Variants in CSMD1 observed in about 807,000 individuals in gnomAD.
CSMD1 encodes the protein CUB and Sushi multiple domains 1, also known as CUB and sushi domain-containing protein 1.
In CSMD1, 213 loss-of-function variants were observed where a neutral mutation model predicts 417.5. That is an observed-to-expected ratio of 0.51 (90% CI 0.46 to 0.57). The LOEUF (loss-of-function observed/expected upper bound fraction) is 0.57. CSMD1 is among the 20% of genes least tolerant of loss of function. The pLI is 0.00. For synonymous variants in CSMD1, 2,862 were observed against 1,736.8 expected (o/e 1.65, Z -16.11); for missense variants, 6,923 against 4,529.7 (o/e 1.53, Z -15.17).
chr8:3,796,474 A>C (rs1043730452), intron 5 of CSMD1, among the ~76,000 whole-genome samples: 2 of 140,702 alleles, frequency 1.4e-5, no homozygotes, highest in African/African-American at 5.2e-5. Context: ...TCATGTATAT[A>C]GATATCTATC....
intron 1 of CSMD1, among the ~76,000 whole-genome samples, chr8:4,708,353 G>A (rs1028546284): frequency 3.9e-5 from 6 of 152,254 alleles, no homozygotes; most frequent in South Asian, 2.1e-4. Context: ...TGAACATTTA[G>A]ACAACATCTG....
At chr8:3,274,930 T>A (rs1479352377) in intron 26 of CSMD1, among the ~76,000 whole-genome samples, 1 of 152,166 alleles carries the variant, frequency 6.6e-6, no homozygotes, top group African/African-American at 2.4e-5. Flanking sequence ...CCATTTACAT[T>A]TAAAGTTAAT....
At chr8:4,973,226 G>T (rs1001876414) in intron 1 of CSMD1, among the ~76,000 whole-genome samples, 2 of 152,222 alleles carry the variant, frequency 1.3e-5, no homozygotes, top group South Asian at 4.2e-4. Flanking sequence ...ATTATTGAGA[G>T]AAAGCATTTT....
intron 5 of CSMD1, among the ~76,000 whole-genome samples, chr8:3,989,982 G>A (rs1814621612): frequency 6.6e-6 from 1 of 152,212 alleles, no homozygotes. Flanking sequence ...ATATCAAAAT[G>A]TACAATTGGA....
chr8:2,970,135 G>T (rs2670083), intron 57 of CSMD1, among the ~76,000 whole-genome samples: 21,296 of 152,118 alleles, frequency 0.14, 1,671 homozygotes, highest in East Asian at 0.32. Flanking sequence ...GATAGATTGG[G>T]AAGTGAAACG....
At chr8:3,466,973 C>G (rs940055014) in intron 12 of CSMD1, among the ~76,000 whole-genome samples, 1 of 151,972 alleles carries the variant, frequency 6.6e-6, no homozygotes, top group African/African-American at 2.4e-5. Context: ...TTGGACTATT[C>G]TTTTGTCAAA....
intron 3 of CSMD1, among the ~76,000 whole-genome samples, chr8:4,158,490 G>T (rs1381806059): frequency 6.6e-6 from 1 of 151,996 alleles, no homozygotes; most frequent in Non-Finnish European, 1.5e-5. Flanking sequence ...TCATCAGTAT[G>T]GCAAAAGGAT....
chr8:3,418,854 T>C (rs1161703336), intron 12 of CSMD1, among the ~76,000 whole-genome samples: 14 of 152,212 alleles, frequency 9.2e-5, no homozygotes, highest in East Asian at 5.8e-4. Context: ...TTTAATATTA[T>C]AGATTTCTTT....
At chr8:4,855,610 G>A (rs1403809681) in intron 1 of CSMD1, among the ~76,000 whole-genome samples, 1 of 152,202 alleles carries the variant, frequency 6.6e-6, no homozygotes. Context: ...AGAACTACGT[G>A]AAGAATGCAG....
intron 69 of CSMD1, among the ~76,000 whole-genome samples, chr8:2,940,182 C>T (rs1801770408): frequency 6.6e-6 from 1 of 152,166 alleles, no homozygotes; most frequent in African/African-American, 2.4e-5. Context: ...GCTTTCCTGA[C>T]CAGGTGGTGA....
intron 6 of CSMD1, among the ~76,000 whole-genome samples, chr8:3,744,136 C>T (rs150880016): frequency 4.8e-4 from 73 of 152,288 alleles, no homozygotes; most frequent in African/African-American, 9.4e-4. Flanking sequence ...ATGATTGAGA[C>T]TTGTCTCGTC....
intron 45 of CSMD1, 89 bp downstream of exon 45, chr8:3,107,629 T>C (rs1816235788): frequency 1.3e-6 from 1 of 759,498 alleles, no homozygotes; most frequent in Non-Finnish European, 2.2e-6. Context: ...AAATTACTCA[T>C]TAACTTGTCT....
At chr8:3,855,261 A>G (rs1804214130) in intron 5 of CSMD1, among the ~76,000 whole-genome samples, 1 of 152,216 alleles carries the variant, frequency 6.6e-6, no homozygotes, top group South Asian at 2.1e-4. Context: ...GATTTTTACT[A>G]TATTGCATAC....
chr8:3,123,393 T>C (rs1210072365), intron 41 of CSMD1, among the ~76,000 whole-genome samples: 1 of 152,178 alleles, frequency 6.6e-6, no homozygotes, highest in African/African-American at 2.4e-5. Context: ...ATACTGCTAT[T>C]TGGACCTAAA....
At chr8:4,326,016 G>A (rs921587027) in intron 3 of CSMD1, among the ~76,000 whole-genome samples, 1 of 152,080 alleles carries the variant, frequency 6.6e-6, no homozygotes, top group African/African-American at 2.4e-5. Flanking sequence ...ACGTTGGCTC[G>A]CTATTTTTAA....
intron 3 of CSMD1, among the ~76,000 whole-genome samples, chr8:4,369,596 G>T (rs73175774): frequency 2.6e-5 from 4 of 151,962 alleles, no homozygotes; most frequent in Non-Finnish European, 5.9e-5. Context: ...AGATCTCTAT[G>T]AACTTGTTTT....
chr8:4,978,281 C>G (rs973504177), intron 1 of CSMD1, among the ~76,000 whole-genome samples: 2 of 152,074 alleles, frequency 1.3e-5, no homozygotes, highest in Non-Finnish European at 2.9e-5. Context: ...GGAGGTATAG[C>G]AGCTTTTTCA....
At chr8:3,565,705 G>C (rs1439120434) in intron 10 of CSMD1, among the ~76,000 whole-genome samples, 1 of 152,148 alleles carries the variant, frequency 6.6e-6, no homozygotes, top group Non-Finnish European at 1.5e-5. Context: ...CAAGCATTAA[G>C]TTTAAAGCAA....
At chr8:4,365,599 G>C (rs1463340760) in intron 3 of CSMD1, among the ~76,000 whole-genome samples, 2 of 152,166 alleles carry the variant, frequency 1.3e-5, no homozygotes, top group Non-Finnish European at 2.9e-5. Flanking sequence ...TCTGGTTTCT[G>C]TCTTTGTACT....
Sources: gnomAD v4.1 joint callset for allele counts (sites outside exome capture counted in the v4.1 genomes callset) on GRCh38, gnomAD v4.1.1 for gene constraint, MANE v1.5 for transcripts, NCBI Gene and HGNC (gene_info 2026-07-23, HGNC 2026-07-21) for gene names.